The following PCDH11X variants were observed in gnomAD, a reference collection of about 807,000 sequenced individuals.
The protein encoded by PCDH11X is protocadherin-11 X-linked.
In PCDH11X, 18 loss-of-function variants were observed where a neutral mutation model predicts 53.3. The observed-to-expected ratio is 0.34, with a 90% CI of 0.23 to 0.50. The LOEUF (loss-of-function observed/expected upper bound fraction) is 0.50, where lower values mean the gene tolerates loss of function less well. Ranked by LOEUF, PCDH11X falls within the 20% of genes least tolerant of loss-of-function variation. The pLI is 0.98. For missense variants in PCDH11X, 570 were observed against 1,032.4 expected, an observed-to-expected ratio of 0.55 and a Z score of 6.14; for synonymous variants, 279 against 393.3, an observed-to-expected ratio of 0.71 and a Z score of 3.44.
rs138853268 is a variant in PCDH11X, at chrX:92,509,324, G to A, written c.3367+41002G>A. Among the ~76,000 whole-genome samples, 722 of 110,811 alleles carry A rather than the reference G, an allele frequency of 6.5e-3. 6 individuals are homozygous for A. The highest frequency in any genetic ancestry group is 0.022 in the African/African-American group (667 of 30,523). On this transcript the variant is annotated intron_variant, in intron 10 of 10. Transcript: ENST00000682573. ...GAATGGGTATACCAGATTGGCCCAC[G>A]TTTTAAATCCTACAATGATTGACAC...
intron 6 of PCDH11X, among the ~76,000 whole-genome samples, chrX:92,021,161 G>T (rs993556354): frequency 6.3e-5 from 7 of 111,184 alleles, no homozygotes; most frequent in Admixed American, 1.9e-4. Flanking sequence ...TTCCAGCAAG[G>T]GCACAGAACT....
intron 10 of PCDH11X, among the ~76,000 whole-genome samples, chrX:92,554,385 A>G (rs1303618171): frequency 2.8e-5 from 3 of 105,725 alleles, no homozygotes; most frequent in African/African-American, 1.0e-4. Flanking sequence ...GCCCTAAAGA[A>G]TTTTTTAAAA....
intron 8 of PCDH11X, 144 bp downstream of exon 8, chrX:92,263,287 T>A (rs1466795879): frequency 2.5e-5 from 12 of 473,910 alleles, no homozygotes; most frequent in Non-Finnish European, 4.0e-5. Context: ...AGAGTCAAGC[T>A]GAGCTGTTTT....
At chrX:92,166,995 T>C (rs969152972) in intron 6 of PCDH11X, among the ~76,000 whole-genome samples, 2 of 109,980 alleles carry the variant, frequency 1.8e-5, no homozygotes, top group African/African-American at 6.6e-5. Context: ...TTCCATCCTT[T>C]ATCACGTTGG....
chrX:91,944,055 G>GTGTGTGTGTGTC lies in PCDH11X; in HGVS notation c.3033+64789_3033+64790insGTGTCTGTGTGT, dbSNP rs1250408322. ...TGTGTGTGTGTGTGTGTGTGTGTGT[G>GTGTGTGTGTGTC]TGTGTGTTCGCTTGCTCTTGTTCAG... is the stretch of plus-strand genomic sequence containing the variant. On this transcript the variant is annotated intron_variant, in intron 6 of 10. Transcript: ENST00000682573. Among the ~76,000 whole-genome samples, 9 of 87,236 alleles carry GTGTGTGTGTGTC rather than the reference G, an allele frequency of 1.0e-4. No homozygotes were observed. The East Asian group carries it at 1.5e-3, about 14-fold the overall frequency. 75.8% of individuals were successfully genotyped at this position (87,236 alleles called of 115,157 possible).
At chrX:92,260,419 C>T (rs146787004) in intron 7 of PCDH11X, among the ~76,000 whole-genome samples, 1 of 110,893 alleles carries the variant, frequency 9.0e-6, no homozygotes, top group Non-Finnish European at 1.9e-5. Flanking sequence ...TTCTCCCTCC[C>T]CCAGCACCCG....
intron 8 of PCDH11X, among the ~76,000 whole-genome samples, chrX:92,266,356 T>G (rs773446567): frequency 8.9e-6 from 1 of 111,983 alleles, no homozygotes. Context: ...GGCAACACAT[T>G]ATCTTAGCTA....
intron 6 of PCDH11X, among the ~76,000 whole-genome samples, chrX:92,189,716 G>T (rs113063196): frequency 4.5e-5 from 5 of 111,634 alleles, no homozygotes; most frequent in Non-Finnish European, 9.4e-5. Flanking sequence ...GTGCAACCTC[G>T]CCAGCATCTA....
At chrX:91,999,636 G>T (rs767187302) in intron 6 of PCDH11X, among the ~76,000 whole-genome samples, 1 of 109,353 alleles carries the variant, frequency 9.1e-6, no homozygotes, top group South Asian at 3.9e-4. Context: ...AAAAATGACA[G>T]CTTCCTACTT....
chrX:92,284,617 A>AT (rs779862956), intron 8 of PCDH11X, among the ~76,000 whole-genome samples: 1 of 112,362 alleles, frequency 8.9e-6, no homozygotes, highest in Admixed American at 9.5e-5. Flanking sequence ...GATGAGAACC[A>AT]TTTTTGCTGC....
intron 10 of PCDH11X, among the ~76,000 whole-genome samples, chrX:92,596,890 A>G (rs1375773251): frequency 9.1e-6 from 1 of 109,822 alleles, no homozygotes; most frequent in Admixed American, 9.8e-5. Flanking sequence ...TTCCTATTAC[A>G]CAAGGATGGT....
intron 5 of PCDH11X, among the ~76,000 whole-genome samples, chrX:91,857,179 A>G (rs1351893709): frequency 9.0e-6 from 1 of 111,491 alleles, no homozygotes; most frequent in Non-Finnish European, 1.9e-5. Context: ...GGCTGGCAAG[A>G]GAGAGCGTGT....
chrX:92,543,400 A>G (rs2148739870), intron 10 of PCDH11X, among the ~76,000 whole-genome samples: 1 of 110,266 alleles, frequency 9.1e-6, no homozygotes, highest in African/African-American at 3.3e-5. Flanking sequence ...AATTTTTCTA[A>G]AAGAAGACGT....
At chrX:91,991,352 C>CT (rs767822249) in intron 6 of PCDH11X, among the ~76,000 whole-genome samples, 7,619 of 54,911 alleles carry the variant, frequency 0.14, 664 homozygotes, top group African/African-American at 0.18. Flanking sequence ...TTAAGACTTT[C>CT]TTTTTTTTTT....
intron 9 of PCDH11X, among the ~76,000 whole-genome samples, chrX:92,447,311 C>T (rs2072675989): frequency 9.0e-6 from 1 of 111,124 alleles, no homozygotes; most frequent in Admixed American, 9.6e-5. Context: ...TTCGTGGAAG[C>T]CCCTCCCATC....
At chrX:92,449,516 A>G (rs1281525301) in intron 9 of PCDH11X, among the ~76,000 whole-genome samples, 1 of 109,892 alleles carries the variant, frequency 9.1e-6, no homozygotes, top group African/African-American at 3.4e-5. Flanking sequence ...GTGAACATTT[A>G]TAATAATATA....
At chrX:92,415,580 A>G (rs2071790112) in intron 9 of PCDH11X, among the ~76,000 whole-genome samples, 1 of 111,937 alleles carries the variant, frequency 8.9e-6, no homozygotes, top group Admixed American at 9.5e-5. Context: ...ATATGTCAGT[A>G]TTCATTTGCA....
intron 10 of PCDH11X, among the ~76,000 whole-genome samples, chrX:92,497,566 A>G (rs1376595106): frequency 9.0e-6 from 1 of 110,801 alleles, no homozygotes; most frequent in African/African-American, 3.3e-5. Context: ...TAAAGTACAG[A>G]GTATAAGATA....
At chrX:92,212,941 G>T (rs2066619208) in intron 7 of PCDH11X, among the ~76,000 whole-genome samples, 1 of 112,394 alleles carries the variant, frequency 8.9e-6, no homozygotes, top group Non-Finnish European at 1.9e-5. Flanking sequence ...TATGGAAAAT[G>T]TGTATGTTCT....
Sources: gnomAD v4.1 joint callset for allele counts (sites outside exome capture counted in the v4.1 genomes callset) on GRCh38, gnomAD v4.1.1 for gene constraint, MANE v1.5 for transcripts, NCBI Gene and HGNC (gene_info 2026-07-23, HGNC 2026-07-21) for gene names.